Variants in CDKL1 observed in about 807,000 individuals in gnomAD.
The protein encoded by CDKL1 is cyclin dependent kinase like 1.
A neutral mutation model predicts 42.0 loss-of-function variants in CDKL1; 41 were observed. That is an observed-to-expected ratio of 0.98 (90% CI 0.76 to 1.27). The LOEUF (loss-of-function observed/expected upper bound fraction) is 1.27, where lower values mean the gene tolerates loss of function less well. Ranked by LOEUF, CDKL1 falls within the 50% of genes most tolerant of loss-of-function variation. The pLI is 0.00. For synonymous variants in CDKL1, 153 were observed against 158.6 expected (o/e 0.96, Z 0.26); for missense variants, 394 against 428.4 (o/e 0.92, Z 0.71).
At chr14:50,332,741 G>C in intron 8 of CDKL1, 1 of 1,394,092 alleles carries the variant, frequency 7.2e-7, no homozygotes. Context: ...GGCCAAATGG[G>C]GTAATCCATT....
chr14:50,376,246 T>A (rs968436749), intron 2 of CDKL1: 27 of 381,194 alleles, frequency 7.1e-5, no homozygotes, highest in African/African-American at 5.5e-4. Context: ...GCAGGGTATA[T>A]GGGAACTCTA....
At chr14:50,346,514 G>A (rs555366020) in intron 3 of CDKL1, among the ~76,000 whole-genome samples, 1 of 151,958 alleles carries the variant, frequency 6.6e-6, no homozygotes, top group Non-Finnish European at 1.5e-5. Context: ...CAGGCTGGAG[G>A]CAGTGGTGCT....
At chr14:50,387,887 G>T (rs144493162) in intron 2 of CDKL1, among the ~76,000 whole-genome samples, 288 of 152,202 alleles carry the variant, frequency 1.9e-3, no homozygotes, top group Middle Eastern at 6.8e-3. Context: ...TTTCCACTGA[G>T]GTGTTTGTTT....
At chr14:50,343,155 C>T (rs1204066036) in intron 4 of CDKL1, 441 of 293,844 alleles carry the variant, frequency 1.5e-3, no homozygotes, top group Non-Finnish European at 2.0e-3. Context: ...TTAAGAGTTA[C>T]TTTTTTTTTT....
intron 2 of CDKL1, among the ~76,000 whole-genome samples, chr14:50,365,959 C>T (rs1480071541): frequency 6.6e-6 from 1 of 152,236 alleles, no homozygotes; most frequent in Non-Finnish European, 1.5e-5. Flanking sequence ...GGCTCTCCGG[C>T]CTTCAGCCAC....
At chr14:50,333,902 A>C (rs1261149513) in intron 8 of CDKL1, 1 of 150,204 alleles carries the variant, frequency 6.7e-6, no homozygotes, top group Non-Finnish European at 1.5e-5. Flanking sequence ...TATATATATA[A>C]ATATATATAT....
At chr14:50,330,917 C>G (rs1399521755) in intron 9 of CDKL1, 1 of 151,270 alleles carries the variant, frequency 6.6e-6, no homozygotes, top group Non-Finnish European at 1.5e-5. Context: ...ACTTTTAAAT[C>G]AGTTGATTCT....
At chr14:50,367,850 G>A (rs1015879307) in intron 2 of CDKL1, among the ~76,000 whole-genome samples, 2 of 152,112 alleles carry the variant, frequency 1.3e-5, no homozygotes, top group African/African-American at 2.4e-5. Flanking sequence ...GGGCCTGCTC[G>A]GACTCAGATT....
intron 4 of CDKL1, chr14:50,342,991 C>G (rs565486455): frequency 1.1e-4 from 154 of 1,355,742 alleles, no homozygotes; most frequent in Non-Finnish European, 1.3e-4. Context: ...TGCGGCCCCC[C>G]CTCCAGAATT....
At chr14:50,357,767 T>G (rs2034099712) in intron 3 of CDKL1, among the ~76,000 whole-genome samples, 1 of 152,222 alleles carries the variant, frequency 6.6e-6, no homozygotes, top group South Asian at 2.1e-4. Flanking sequence ...TAGAATTCCT[T>G]TCTTCTAGAA....
At chr14:50,331,205 C>A (rs1169950369) in intron 9 of CDKL1, 1 of 152,218 alleles carries the variant, frequency 6.6e-6, no homozygotes, top group African/African-American at 2.4e-5. Context: ...TGCACTCTAG[C>A]CTGAGCGACA....
intron 2 of CDKL1, among the ~76,000 whole-genome samples, chr14:50,372,319 T>G (rs2034612896): frequency 6.6e-6 from 1 of 152,166 alleles, no homozygotes; most frequent in Non-Finnish European, 1.5e-5. Flanking sequence ...AGTTTTGCCA[T>G]GTTGGCCAGA....
chr14:50,383,393 T>C (rs1489919451), intron 2 of CDKL1, among the ~76,000 whole-genome samples: 2 of 151,634 alleles, frequency 1.3e-5, no homozygotes, highest in Non-Finnish European at 2.9e-5. Flanking sequence ...CCACTAAAAA[T>C]ACAAAAATTA....
chr14:50,362,958 C>T (rs763305341), intron 2 of CDKL1: 16 of 464,900 alleles, frequency 3.4e-5, no homozygotes, highest in Non-Finnish European at 4.9e-5. Context: ...CTGCTGCTCA[C>T]GCTTTGGGTC....
intron 2 of CDKL1, among the ~76,000 whole-genome samples, chr14:50,377,367 G>A (rs1188415110): frequency 6.6e-6 from 1 of 152,186 alleles, no homozygotes; most frequent in Non-Finnish European, 1.5e-5. Flanking sequence ...TCCTTAAAGA[G>A]GCCTGGCAGG....
chr14:50,373,485 A>G lies in CDKL1; in HGVS notation c.169-14336T>C, dbSNP rs145171449. On this transcript the variant is annotated intron_variant, in intron 2 of 9. Transcript: ENST00000395834. ...GGCAGCATCCAGTGCTGACAAGGGCATAGGGAAAGGGGTGTTCTCACACAT... is the reference window on the plus strand; with the variant it reads ...GGCAGCATCCAGTGCTGACAAGGGCGTAGGGAAAGGGGTGTTCTCACACAT... Among the ~76,000 whole-genome samples the G allele has an allele frequency of 1.8e-3, 270 of 152,338 alleles. 1 individual carries two copies. Among genetic ancestry groups the G allele is most frequent in the African/African-American group, 6.0e-3 (250 of 41,574 alleles).
intron 2 of CDKL1, chr14:50,363,014 G>A (rs761160746): frequency 1.1e-5 from 5 of 452,108 alleles, no homozygotes; most frequent in East Asian, 7.2e-5. Flanking sequence ...CTTCACTCTT[G>A]AAGCCAGGGA....
In CDKL1 at chr14:50,375,439, C is replaced by T. The variant is rs1186980291; in HGVS notation, c.169-16290G>A. ...TCTCCCTCTGTAGGAGTGCGCTGCACGTAGTGACTTCCTTCCAAACAGCAT... is the reference window on the plus strand; with the variant it reads ...TCTCCCTCTGTAGGAGTGCGCTGCATGTAGTGACTTCCTTCCAAACAGCAT... On this transcript the variant is annotated intron_variant, in intron 2 of 9. Coordinates refer to ENST00000395834, the MANE Select transcript of CDKL1 (RefSeq NM_004196.7). Among the ~76,000 whole-genome samples, 6 of 152,224 alleles carry T rather than the reference C, an allele frequency of 3.9e-5. No individual in the cohort carries two copies. The South Asian group carries it at 6.2e-4, about 16-fold the overall frequency.
chr14:50,395,374 T>G (rs1379405710), intron 2 of CDKL1, among the ~76,000 whole-genome samples: 1 of 152,246 alleles, frequency 6.6e-6, no homozygotes, highest in Non-Finnish European at 1.5e-5. Context: ...ATATAATTAG[T>G]GACTTGTGCA....
Sources: allele counts gnomAD v4.1 joint callset (sites outside exome capture counted in the v4.1 genomes callset), GRCh38; gene constraint gnomAD v4.1.1; transcripts MANE v1.5; gene names NCBI Gene and HGNC (gene_info 2026-07-23, HGNC 2026-07-21).